The following NRG3 variants were observed in gnomAD, a reference collection of about 807,000 sequenced individuals.
NRG3 encodes neuregulin 3.
NRG3 carries 31 observed loss-of-function variants against 66.9 expected under a neutral mutation model. The observed-to-expected ratio is 0.46, with a 90% CI of 0.35 to 0.63. The LOEUF (loss-of-function observed/expected upper bound fraction) is 0.63. NRG3 is among the 20% of genes least tolerant of loss of function. NRG3 has a pLI of 0.00. For missense variants in NRG3, 910 were observed against 878.9 expected (o/e 1.04, Z -0.45); for synonymous variants, 393 against 359.4 (o/e 1.09, Z -1.06).
At chr10:81,901,512 A>G (rs574734190) in intron 1 of NRG3, among the ~76,000 whole-genome samples, 8 of 152,174 alleles carry the variant, frequency 5.3e-5, no homozygotes, top group African/African-American at 1.9e-4. Flanking sequence ...TACAAAAATG[A>G]AAAAAATTTG....
In NRG3 at chr10:81,875,243, C is replaced by CAA. The variant is rs1564623325; in HGVS notation, c.-98_-97insAA. ...CGCTGCCTGCGCCCGAGCCCGCCGC[C>CAA]GCCGCCGGAGCCCGCGCCCGCGCCC... On this transcript the variant is annotated 5_prime_UTR_variant, in exon 1 of 9. It introduces an in-frame stop codon into an upstream open reading frame of the 5' UTR. Coordinates refer to ENST00000372141, the MANE Select transcript of NRG3 (RefSeq NM_001010848.4). This position sits in a 1 kb window ranked among gnomAD's most constrained non-coding sequence, Gnocchi z 5.3. 5.2e-6 allele frequency: 4 copies of CAA among 765,664 alleles called. No individual in the cohort carries two copies. In the African/African-American group the frequency reaches 7.7e-5, roughly 15 times the overall value. 47.4% of individuals were successfully genotyped at this position (765,664 alleles called of 1,614,324 possible).
intron 1 of NRG3, among the ~76,000 whole-genome samples, chr10:82,041,870 C>A (rs1433821909): frequency 6.6e-6 from 1 of 151,974 alleles, no homozygotes; most frequent in Non-Finnish European, 1.5e-5. Context: ...ATCTTCCCAA[C>A]AACCAAAGTC....
At chr10:82,040,402 A>G (rs2062979319) in intron 1 of NRG3, among the ~76,000 whole-genome samples, 1 of 94,680 alleles carries the variant, frequency 1.1e-5, no homozygotes, top group Non-Finnish European at 2.6e-5. Context: ...TGTTATATAT[A>G]CAATATATAT....
intron 2 of NRG3, among the ~76,000 whole-genome samples, chr10:82,515,814 C>A (rs971871441): frequency 1.3e-5 from 2 of 152,136 alleles, no homozygotes; most frequent in Non-Finnish European, 2.9e-5. Flanking sequence ...TTTATAGTAT[C>A]CCCATTCAGG....
intron 1 of NRG3, among the ~76,000 whole-genome samples, chr10:82,200,066 C>G (rs2133466794): frequency 6.6e-6 from 1 of 152,198 alleles, no homozygotes; most frequent in South Asian, 2.1e-4. Flanking sequence ...TAAAGTCACT[C>G]TTTTTCAACA....
intron 1 of NRG3, among the ~76,000 whole-genome samples, chr10:82,210,950 TG>T (rs1314333628): frequency 6.6e-6 from 1 of 151,686 alleles, no homozygotes; most frequent in African/African-American, 2.4e-5. Flanking sequence ...CTGCATATCT[TG>T]GTATAGTGTA....
intron 3 of NRG3, among the ~76,000 whole-genome samples, chr10:82,739,312 G>A (rs1294186437): frequency 6.6e-6 from 1 of 152,198 alleles, no homozygotes; most frequent in Non-Finnish European, 1.5e-5. Context: ...AATGTGAAAT[G>A]TTTATCTTTA....
intron 2 of NRG3, among the ~76,000 whole-genome samples, chr10:82,704,994 A>G (rs1591244846): frequency 6.6e-6 from 1 of 152,220 alleles, no homozygotes; most frequent in East Asian, 1.9e-4. Context: ...AAATCATGCA[A>G]AAAGTAAAAA....
Position 81,876,110 on chromosome 10 carries a change from C to A in NRG3, c.770C>A (p.Ser257Tyr). 1 of 1,610,242 alleles carries A rather than the reference C, an allele frequency of 6.2e-7. No homozygotes were observed. Among genetic ancestry groups the A allele is most frequent in the South Asian group, 1.1e-5 (1 of 90,574 alleles). ...GATGCTGCCTCCTCTTCTTCCTCTT[C>A]TTCCTCCTCCGCTACCACCACCACA... ...FQDAASSSSS[S>Y]SSSATTTTPE... Residue 257 changes from serine (S) to tyrosine (Y), a missense_variant, in exon 1 of 9, where the codon TCT (serine) becomes TAT (tyrosine). Ser to Tyr is a moderately radical substitution (Grantham distance 144, BLOSUM62 -2). Coordinates refer to ENST00000372141, the MANE Select transcript of NRG3 (RefSeq NM_001010848.4).
At chr10:82,646,051 G>A (rs2050907578) in intron 2 of NRG3, among the ~76,000 whole-genome samples, 1 of 152,124 alleles carries the variant, frequency 6.6e-6, no homozygotes, top group Non-Finnish European at 1.5e-5. Flanking sequence ...TATGACACTT[G>A]ACATAGAATT....
At chr10:82,738,729 A>G in intron 3 of NRG3, 79 bp downstream of exon 3, 1 of 1,238,002 alleles carries the variant, frequency 8.1e-7, no homozygotes, top group Non-Finnish European at 1.2e-6. Flanking sequence ...AACTCAGCTG[A>G]AAGCTATATT....
intron 3 of NRG3, among the ~76,000 whole-genome samples, chr10:82,749,429 G>A (rs773305248): frequency 1.3e-5 from 2 of 151,998 alleles, no homozygotes; most frequent in East Asian, 1.9e-4. Context: ...TTCACCACTC[G>A]CCCTACCCTC....
At chr10:82,480,875 G>A (rs1253898122) in intron 2 of NRG3, among the ~76,000 whole-genome samples, 1 of 152,218 alleles carries the variant, frequency 6.6e-6, no homozygotes, top group African/African-American at 2.4e-5. Context: ...AGGGGATTAT[G>A]AATATTTCTG....
chr10:82,594,632 C>T (rs1446498877), intron 2 of NRG3, among the ~76,000 whole-genome samples: 1 of 152,114 alleles, frequency 6.6e-6, no homozygotes, highest in African/African-American at 2.4e-5. Context: ...TCTTTGAATA[C>T]ATTAGTTTAT....
At chr10:82,827,108 T>A (rs545538583) in intron 3 of NRG3, 2 of 335,510 alleles carry the variant, frequency 6.0e-6, no homozygotes, top group Non-Finnish European at 1.2e-5. Flanking sequence ...AAATAACTCT[T>A]GATATTGAGA....
At chr10:81,895,513 A>G (rs1478515925) in intron 1 of NRG3, among the ~76,000 whole-genome samples, 1 of 152,148 alleles carries the variant, frequency 6.6e-6, no homozygotes. Context: ...GTTTCTCACT[A>G]TCTGATGCTA....
At chr10:82,876,375 A>G (rs1326080508) in intron 4 of NRG3, among the ~76,000 whole-genome samples, 1 of 152,214 alleles carries the variant, frequency 6.6e-6, no homozygotes, top group African/African-American at 2.4e-5. Flanking sequence ...GGGGCAATGA[A>G]TTCTAGTTGA....
chr10:82,286,659 C>G (rs2079436070), intron 1 of NRG3, among the ~76,000 whole-genome samples: 1 of 152,148 alleles, frequency 6.6e-6, no homozygotes, highest in African/African-American at 2.4e-5. Flanking sequence ...ATGATCTCGG[C>G]TCACTGCAAC....
At chr10:81,997,729 G>A (rs997588878) in intron 1 of NRG3, among the ~76,000 whole-genome samples, 3 of 151,946 alleles carry the variant, frequency 2.0e-5, no homozygotes, top group Non-Finnish European at 2.9e-5. Flanking sequence ...TCAGATAAGC[G>A]CAGCATACTC....
Sources: allele counts gnomAD v4.1 joint callset (sites outside exome capture counted in the v4.1 genomes callset), GRCh38; gene constraint gnomAD v4.1.1; non-coding constraint Gnocchi (gnomAD v3.1); transcripts MANE v1.5; gene names NCBI Gene and HGNC (gene_info 2026-07-23, HGNC 2026-07-21).